GOLM1: variants seen among roughly 807,000 people sequenced by gnomAD.
GOLM1 encodes the protein golgi membrane protein 1.
In GOLM1, 31 loss-of-function variants were observed where a neutral mutation model predicts 50.5. The ratio of observed to expected loss-of-function variants is 0.61; its 90% CI spans 0.46 to 0.83. The LOEUF is 0.83. GOLM1 is among the 40% of genes least tolerant of loss of function. The pLI, the probability that GOLM1 is intolerant of heterozygous loss-of-function variation, is 0.00. For missense variants in GOLM1, 491 were observed against 501.3 expected (o/e 0.98, Z 0.20); for synonymous variants, 178 against 192.8 (o/e 0.92, Z 0.64).
At chr9:86,065,859 G>C (rs1370208706) in intron 3 of GOLM1, among the ~76,000 whole-genome samples, 2 of 152,126 alleles carry the variant, frequency 1.3e-5, no homozygotes, top group African/African-American at 4.8e-5. Flanking sequence ...GGCCAACATG[G>C]TGAAACCCCA....
At chr9:86,066,142 CT>C (rs1318203279) in intron 3 of GOLM1, among the ~76,000 whole-genome samples, 1 of 152,178 alleles carries the variant, frequency 6.6e-6, no homozygotes, top group Non-Finnish European at 1.5e-5. Context: ...GAGGCAAAAT[CT>C]TTCAGCAAAA....
chr9:86,088,420 G>GTATATATATATATATATATATA lies in GOLM1; in HGVS notation c.-21-9101_-21-9080dup, dbSNP rs71505775. Among the ~76,000 whole-genome samples, 99 of 86,274 alleles carry GTATATATATATATATATATATA rather than the reference G, an allele frequency of 1.1e-3. 2 individuals carry two copies. The highest frequency in any genetic ancestry group is 2.5e-3 in the East Asian group (7 of 2,814). 56.6% of individuals were successfully genotyped at this position (86,274 alleles called of 152,430 possible). A position where few individuals can be genotyped will look rare whatever the true frequency, so the allele number is the denominator to read the frequency against. On this transcript the variant is annotated intron_variant, in intron 1 of 9. Transcript: ENST00000388712. ...TGGATTCGTTGTTTTTTTGAAGGGT[G>GTATATATATATATATATATATA]TATATATATATATATATATATATAT...
intron 1 of GOLM1, among the ~76,000 whole-genome samples, chr9:86,098,710 A>C (rs1296263477): frequency 6.6e-6 from 1 of 152,268 alleles, no homozygotes; most frequent in Non-Finnish European, 1.5e-5. Context: ...ATCATTAAAA[A>C]TATTAAATGG....
At chr9:86,053,347 A>C (rs998190150) in intron 3 of GOLM1, among the ~76,000 whole-genome samples, 2 of 87,890 alleles carry the variant, frequency 2.3e-5, no homozygotes, top group African/African-American at 5.0e-5. Context: ...CCACGCCACA[A>C]CTCCACACCA....
chr9:86,063,004 T>C (rs1834205928), intron 3 of GOLM1, among the ~76,000 whole-genome samples: 1 of 152,088 alleles, frequency 6.6e-6, no homozygotes, highest in African/African-American at 2.4e-5. Flanking sequence ...CTCACACTGG[T>C]CTGTCCCCTC....
At chr9:86,043,650 C>T (rs917672249) in intron 5 of GOLM1, among the ~76,000 whole-genome samples, 2 of 152,280 alleles carry the variant, frequency 1.3e-5, no homozygotes, top group Admixed American at 6.5e-5. Context: ...ATCTGGTACA[C>T]GGCCTTGGGC....
At position 86,088,584 on chromosome 9, in the gene GOLM1, T is replaced by TTTG. The variant is rs1563969143; in HGVS notation, c.-21-9244_-21-9243insCAA. 1.4e-4 allele frequency among the ~76,000 whole-genome samples: 19 copies of TTTG among 136,156 alleles called. 1 individual carries two copies. The highest frequency in any genetic ancestry group is 4.4e-4 in the African/African-American group (17 of 38,292). The allele number at this position is 136,156 out of a possible 152,430, so 89.3% of individuals were successfully genotyped here. A position where few individuals can be genotyped will look rare whatever the true frequency, so the allele number is the denominator to read the frequency against. Reference sequence around the variant, plus strand: ...AACTCCTGGTTTTGTTTTTTTTTTTTTTTTGTTTTGTTTTTTTGCTTTCCG... The same window carrying TTTG: ...AACTCCTGGTTTTGTTTTTTTTTTTTTTGTTTTGTTTTGTTTTTTTGCTTTCCG... On this transcript the variant is annotated intron_variant, in intron 1 of 9. Transcript: ENST00000388712.
At chr9:86,065,157 C>G (rs1834272737) in intron 3 of GOLM1, among the ~76,000 whole-genome samples, 1 of 152,204 alleles carries the variant, frequency 6.6e-6, no homozygotes, top group Admixed American at 6.5e-5. Flanking sequence ...CTTACAGTAT[C>G]TATTTCCCTG....
chr9:86,033,475 G>T (rs969768328), intron 8 of GOLM1, 80 bp from the exon 9 acceptor site: 5 of 850,846 alleles, frequency 5.9e-6, no homozygotes, highest in Non-Finnish European at 9.8e-6. Flanking sequence ...AAGTGCTGGG[G>T]GTTAGCCATA....
rs1587693618 is a variant in GOLM1 at position 86,033,197 on chromosome 9, TG to T, written c.1129+84del. ...TGACCCATTAATTACAATATAATTT[TG>T]GGGATTCATTGGATAATCACGGTGA... On this transcript the variant is annotated intron_variant, in intron 9 of 9. Transcript: ENST00000388712. The T allele has an allele frequency of 7.9e-6, 6 of 756,534 alleles. No individual in the cohort carries two copies. The East Asian group carries it at 1.5e-4, about 19-fold the overall frequency. The allele number at this position is 756,534 out of a possible 1,614,324, so 46.9% of individuals were successfully genotyped here.
Position 86,045,828 on chromosome 9 carries a change from G to A in GOLM1, c.467+642C>T, listed in dbSNP as rs531938177. Among the ~76,000 whole-genome samples, 8 of 152,236 alleles carry A rather than the reference G, an allele frequency of 5.3e-5. No homozygotes were observed. The South Asian group carries it at 1.7e-3, about 32-fold the overall frequency. On this transcript the variant is annotated intron_variant, in intron 5 of 9. Transcript: ENST00000388712. ...GAGAGAGGTAAGTCAAAGGGAAAAGGACAGTCATGAGGGCTGGGCCATGGG... is the reference window on the plus strand; with the variant it reads ...GAGAGAGGTAAGTCAAAGGGAAAAGAACAGTCATGAGGGCTGGGCCATGGG...
chr9:86,069,137 AT>A (rs142064430), intron 3 of GOLM1, among the ~76,000 whole-genome samples: 49 of 149,140 alleles, frequency 3.3e-4, no homozygotes, highest in South Asian at 2.3e-3. Context: ...TGTAATCTCT[AT>A]TTTTTTTTTT....
intron 9 of GOLM1, among the ~76,000 whole-genome samples, chr9:86,029,477 C>A (rs538692781): frequency 1.7e-4 from 26 of 152,134 alleles, no homozygotes; most frequent in African/African-American, 5.8e-4. Context: ...ACCATCTGAT[C>A]TTACTCTATC....
intron 3 of GOLM1, among the ~76,000 whole-genome samples, chr9:86,054,511 A>AC (rs1833928206): frequency 6.6e-6 from 1 of 152,178 alleles, no homozygotes; most frequent in Non-Finnish European, 1.5e-5. Flanking sequence ...GGCGTGAGCC[A>AC]CTGCGCCCGG....
intron 9 of GOLM1, among the ~76,000 whole-genome samples, chr9:86,029,203 G>T (rs1384099848): frequency 1.3e-5 from 2 of 152,142 alleles, no homozygotes; most frequent in Non-Finnish European, 2.9e-5. Flanking sequence ...CCAACAATGT[G>T]CCATGAAACA....
At chr9:86,054,197 C>T (rs1833915304) in intron 3 of GOLM1, among the ~76,000 whole-genome samples, 1 of 152,016 alleles carries the variant, frequency 6.6e-6, no homozygotes, top group South Asian at 2.1e-4. Flanking sequence ...TAACAACTGG[C>T]CAGTATGCCC....
At chr9:86,027,922 T>G in intron 9 of GOLM1, 29 bp from the exon 10 acceptor site, 1 of 1,362,780 alleles carries the variant, frequency 7.3e-7, no homozygotes, top group Non-Finnish European at 1.0e-6. Flanking sequence ...TAATATTCTA[T>G]AGAGTATTAA....
At chr9:86,073,252 T>C (rs1834504417) in intron 3 of GOLM1, among the ~76,000 whole-genome samples, 6 of 152,076 alleles carry the variant, frequency 3.9e-5, no homozygotes, top group African/African-American at 1.4e-4. Context: ...TATGAATATG[T>C]GTATGTTTAT....
At chr9:86,095,981 G>A (rs778016224) in intron 1 of GOLM1, among the ~76,000 whole-genome samples, 2 of 152,174 alleles carry the variant, frequency 1.3e-5, no homozygotes, top group Non-Finnish European at 1.5e-5. Context: ...CTATTTGCAT[G>A]AATTTTGGTG....
Sources: allele counts gnomAD v4.1 joint callset (sites outside exome capture counted in the v4.1 genomes callset), GRCh38; gene constraint gnomAD v4.1.1; transcripts MANE v1.5; gene names NCBI Gene and HGNC (gene_info 2026-07-23, HGNC 2026-07-21).